Variants in CPED1 observed in about 807,000 individuals in gnomAD.
The protein encoded by CPED1 is cadherin-like and PC-esterase domain-containing protein 1.
Under a neutral mutation model 128.2 loss-of-function variants are expected in CPED1, and 114 were observed. The observed-to-expected ratio is 0.89, with a 90% CI of 0.76 to 1.04. The LOEUF is 1.04. Among genes scored for constraint, CPED1 ranks in the 50% least tolerant of loss-of-function variants. The pLI, the probability that CPED1 is intolerant of heterozygous loss-of-function variation, is 0.00. For missense variants in CPED1, 1,211 were observed against 1,207.1 expected (o/e 1.00, Z -0.05); for synonymous variants, 462 against 426.7 (o/e 1.08, Z -1.02).
At chr7:121,156,833 C>A (rs115836744) in intron 16 of CPED1, among the ~76,000 whole-genome samples, 63 of 152,170 alleles carry the variant, frequency 4.1e-4, no homozygotes, top group Middle Eastern at 3.4e-3. Context: ...TCTCATGGCT[C>A]GTACATATTT....
intron 22 of CPED1, 74 bp downstream of exon 22, chr7:121,271,504 G>T: frequency 1.4e-6 from 2 of 1,414,290 alleles, no homozygotes; most frequent in South Asian, 2.5e-5. Flanking sequence ...TAATTGTATT[G>T]TCAGTCTTAT....
At chr7:121,212,023 C>T (rs764698352) in intron 16 of CPED1, among the ~76,000 whole-genome samples, 2 of 152,080 alleles carry the variant, frequency 1.3e-5, no homozygotes, top group East Asian at 3.9e-4. Context: ...TTAAGGCAGA[C>T]AACCCCTAAT....
At chr7:121,022,430 TTTACTC>T (rs1468323778) in intron 3 of CPED1, among the ~76,000 whole-genome samples, 1 of 151,990 alleles carries the variant, frequency 6.6e-6, no homozygotes. Flanking sequence ...TTTTAAGAAT[TTTACTC>T]TTGCCTTGCT....
intron 4 of CPED1, among the ~76,000 whole-genome samples, chr7:121,058,481 C>G (rs1793560904): frequency 6.6e-6 from 1 of 152,146 alleles, no homozygotes; most frequent in South Asian, 2.1e-4. Flanking sequence ...CTTACATCTC[C>G]TTACTGCTTG....
At chr7:121,029,285 T>G (rs554873815) in intron 3 of CPED1, among the ~76,000 whole-genome samples, 11 of 152,298 alleles carry the variant, frequency 7.2e-5, no homozygotes, top group African/African-American at 1.4e-4. Flanking sequence ...GTTATCAAAA[T>G]TCTATCTGAA....
intron 7 of CPED1, among the ~76,000 whole-genome samples, chr7:121,106,697 T>C (rs565690692): frequency 6.6e-6 from 1 of 152,146 alleles, no homozygotes; most frequent in East Asian, 1.9e-4. Context: ...CAAGGGAAGG[T>C]ATATGCTGGG....
chr7:121,115,295 T>C (rs1016043612), intron 7 of CPED1, among the ~76,000 whole-genome samples: 1 of 152,134 alleles, frequency 6.6e-6, no homozygotes, highest in Admixed American at 6.6e-5. Context: ...TATTGTTTGG[T>C]GTGAGAGAGG....
rs189970979 is a variant in CPED1, at chr7:121,141,968, T to C, written c.1887-5T>C. ...TTCTATTTCTCTCTCCCTCTTTCTC[T>C]CCAGCTTTGCCAGCTACCCTCTGGG... On this transcript the variant is annotated splice_region_variant and splice_polypyrimidine_tract_variant and intron_variant, in intron 15 of 22. Coordinates refer to ENST00000310396, the MANE Select transcript of CPED1 (RefSeq NM_024913.5). The C allele has an allele frequency of 2.7e-4, 427 of 1,610,942 alleles. 4 individuals carry two copies. The Admixed American group carries it at 7.0e-3, about 27-fold the overall frequency.
At chr7:121,154,748 G>A (rs961306946) in intron 16 of CPED1, among the ~76,000 whole-genome samples, 1 of 152,086 alleles carries the variant, frequency 6.6e-6, no homozygotes, top group Non-Finnish European at 1.5e-5. Flanking sequence ...GTTTCACCAT[G>A]TTGGCCAGGA....
intron 16 of CPED1, among the ~76,000 whole-genome samples, chr7:121,204,270 C>T (rs1917118): frequency 0.37 from 56,623 of 151,730 alleles, 10,920 homozygotes; most frequent in Middle Eastern, 0.51. Flanking sequence ...GATTGGAAGT[C>T]TAAAAGTCCA....
chr7:121,237,914 T>C (rs1798296801), intron 17 of CPED1, among the ~76,000 whole-genome samples: 1 of 152,204 alleles, frequency 6.6e-6, no homozygotes, highest in East Asian at 1.9e-4. Flanking sequence ...TTACCCATTA[T>C]GGTGTGTCAG....
chr7:121,084,482 C>A (rs1584500186), intron 5 of CPED1, among the ~76,000 whole-genome samples: 1 of 152,148 alleles, frequency 6.6e-6, no homozygotes, highest in Admixed American at 6.5e-5. Context: ...GCTACAAATT[C>A]AAATTGCTGT....
In CPED1 at chr7:121,178,043, C is replaced by T. The variant is rs113065337; in HGVS notation, c.2055+35902C>T. ...GGAGGTAGGTGCTAGGAAGTATTCA[C>T]GAGGAGGGGCTCTTGAATCCAGATC... On this transcript the variant is annotated intron_variant, in intron 16 of 22. Transcript: ENST00000310396. Among the ~76,000 whole-genome samples the T allele has an allele frequency of 7.5e-3, 1,138 of 152,126 alleles. 13 individuals are homozygous for T. Among genetic ancestry groups the T allele is most frequent in the African/African-American group, 0.025 (1,052 of 41,530 alleles).
chr7:121,162,640 G>C (rs1312624597), intron 16 of CPED1, among the ~76,000 whole-genome samples: 2 of 152,294 alleles, frequency 1.3e-5, no homozygotes, highest in African/African-American at 4.8e-5. Context: ...AAAAAATCCA[G>C]ATATTCCAAG....
intron 16 of CPED1, among the ~76,000 whole-genome samples, chr7:121,232,644 C>T (rs1412739071): frequency 6.6e-6 from 1 of 152,106 alleles, no homozygotes; most frequent in Admixed American, 6.6e-5. Context: ...AGGGAACTCC[C>T]TGCCTTCCCA....
chr7:121,260,463 C>A (rs187784818), intron 18 of CPED1, among the ~76,000 whole-genome samples: 87 of 152,004 alleles, frequency 5.7e-4, no homozygotes, highest in African/African-American at 2.0e-3. Flanking sequence ...TGACCAGTCT[C>A]AGCTTCATAT....
At chr7:121,084,734 C>T (rs73215359) in intron 5 of CPED1, among the ~76,000 whole-genome samples, 12,820 of 152,288 alleles carry the variant, frequency 0.084, 628 homozygotes, top group Middle Eastern at 0.16. Context: ...TACCAACTGG[C>T]TTTTCATCCA....
intron 16 of CPED1, among the ~76,000 whole-genome samples, chr7:121,144,669 A>G (rs190115810): frequency 5.3e-5 from 8 of 152,170 alleles, no homozygotes; most frequent in East Asian, 3.9e-4. Context: ...CAAAACAACT[A>G]GAAGAGTGGA....
chr7:121,189,799 A>ATAT (rs58389973), intron 16 of CPED1, among the ~76,000 whole-genome samples: 1,284 of 31,158 alleles, frequency 0.041, 70 homozygotes, highest in African/African-American at 0.059. Flanking sequence ...TATATATATA[A>ATAT]AATTTGTATT....
Sources: allele counts gnomAD v4.1 joint callset (sites outside exome capture counted in the v4.1 genomes callset), GRCh38; gene constraint gnomAD v4.1.1; transcripts MANE v1.5; gene names NCBI Gene and HGNC (gene_info 2026-07-23, HGNC 2026-07-21).